Variants in LYZL4 observed in about 807,000 individuals in gnomAD.
LYZL4 encodes the protein lysozyme-like protein 4.
A neutral mutation model predicts 17.6 loss-of-function variants in LYZL4; 13 were observed. That is an observed-to-expected ratio of 0.74 (90% CI 0.48 to 1.18). The LOEUF is 1.18. LYZL4 is among the 50% of genes most tolerant of loss of function. The probability of loss-of-function intolerance (pLI) is 0.00; values close to 1 mark genes in which losing one functional copy is unlikely to be tolerated. For missense variants in LYZL4, 174 were observed against 188.2 expected (o/e 0.92, Z 0.44); for synonymous variants, 64 against 67.7 (o/e 0.95, Z 0.27).
chr3:42,401,904 A>G (rs1577153678), intron 4 of LYZL4, among the ~76,000 whole-genome samples: 1 of 152,178 alleles, frequency 6.6e-6, no homozygotes, highest in South Asian at 2.1e-4. Flanking sequence ...CTTCTATTCA[A>G]CCTTCACTGG....
chr3:42,390,719 T>C, the LYZL4 span, among the ~76,000 whole-genome samples: 1 of 152,194 alleles, frequency 6.6e-6, no homozygotes, highest in Admixed American at 6.5e-5. Context: ...ATTGTTATGG[T>C]ATCTGCATAG....
intron 3 of LYZL4, among the ~76,000 whole-genome samples, chr3:42,406,593 C>T (rs76036030): frequency 0.018 from 2,782 of 152,152 alleles, 85 homozygotes; most frequent in African/African-American, 0.063. Flanking sequence ...AACTCCCCAA[C>T]ACCTTCTCTG....
chr3:42,388,605 C>T, the LYZL4 span, among the ~76,000 whole-genome samples: 5 of 152,186 alleles, frequency 3.3e-5, no homozygotes, highest in Non-Finnish European at 5.9e-5. Flanking sequence ...ACTAGAGAGG[C>T]GGCTCCCAAG....
chr3:42,370,697 T>C, the LYZL4 span, among the ~76,000 whole-genome samples: 1 of 152,252 alleles, frequency 6.6e-6, no homozygotes, highest in Non-Finnish European at 1.5e-5. Context: ...TACTTGTATC[T>C]TCTGAGGCCC....
the LYZL4 span, among the ~76,000 whole-genome samples, chr3:42,374,516 C>T: frequency 3.3e-5 from 5 of 152,154 alleles, no homozygotes; most frequent in South Asian, 2.1e-4. Context: ...AACCAACTGT[C>T]GAGGCCACCG....
At chr3:42,386,406 C>CCG in the LYZL4 span, among the ~76,000 whole-genome samples, 1 of 134,742 alleles carries the variant, frequency 7.4e-6, no homozygotes, top group Non-Finnish European at 1.6e-5. Context: ...CCCCCCCCCC[C>CCG]CCCCCCGCCT....
the LYZL4 span, among the ~76,000 whole-genome samples, chr3:42,368,547 G>A: frequency 2.0e-5 from 3 of 151,968 alleles, no homozygotes; most frequent in Non-Finnish European, 4.4e-5. Flanking sequence ...ACTTATGCAT[G>A]TATTTAAGTG....
the LYZL4 span, among the ~76,000 whole-genome samples, chr3:42,364,461 G>C: frequency 6.7e-6 from 1 of 149,718 alleles, no homozygotes; most frequent in Non-Finnish European, 1.5e-5. Flanking sequence ...TCCTGCTTCA[G>C]CCTCCCAAGT....
intron 4 of LYZL4, among the ~76,000 whole-genome samples, 198 bp from the exon 5 acceptor site, chr3:42,397,532 T>A (rs920955542): frequency 6.6e-6 from 1 of 152,170 alleles, no homozygotes; most frequent in African/African-American, 2.4e-5. Context: ...TGAATACTGG[T>A]GCTTCCTCCA....
chr3:42,393,410 T>C (rs1698514590), downstream of LYZL4, among the ~76,000 whole-genome samples: 1 of 151,940 alleles, frequency 6.6e-6, no homozygotes. Flanking sequence ...TTTTTACTCA[T>C]AAAGTCAGCA....
the LYZL4 span, among the ~76,000 whole-genome samples, chr3:42,377,140 T>G: frequency 6.6e-6 from 1 of 152,170 alleles, no homozygotes; most frequent in African/African-American, 2.4e-5. Flanking sequence ...TCCAGAGCAG[T>G]CTGACCTTTT....
In LYZL4 at chr3:42,397,245, T is replaced by C. The variant is rs756921746; in HGVS notation, c.*20A>G. The C allele has an allele frequency of 3.2e-6, 5 of 1,540,370 alleles. No individual in the cohort carries two copies. In the Admixed American group the frequency reaches 9.7e-5, roughly 30 times the overall value. On this transcript the variant is annotated 3_prime_UTR_variant, in exon 5 of 5. Coordinates refer to ENST00000287748, the MANE Select transcript of LYZL4 (RefSeq NM_144634.4). ...TTCACAAGATGCAACTGGTGAGTGC[T>C]GCAGGGGCCATGCAGGTGGCTACAG...
At chr3:42,389,238 T>C in the LYZL4 span, among the ~76,000 whole-genome samples, 1 of 152,186 alleles carries the variant, frequency 6.6e-6, no homozygotes, top group Non-Finnish European at 1.5e-5. Flanking sequence ...ACAGACATTC[T>C]TCCTCTGACA....
the LYZL4 span, among the ~76,000 whole-genome samples, chr3:42,379,234 G>A: frequency 2.6e-5 from 4 of 152,140 alleles, no homozygotes; most frequent in African/African-American, 7.2e-5. Context: ...TCATATTGCT[G>A]GTTAGTCAGT....
intron 4 of LYZL4, 121 bp downstream of exon 4, chr3:42,403,925 G>T: frequency 1.7e-6 from 1 of 598,936 alleles, no homozygotes. Flanking sequence ...TTACCTTGGT[G>T]AGTCAGAGCC....
intron 2 of LYZL4, 49 bp from the exon 3 acceptor site, chr3:42,407,047 G>A: frequency 6.2e-7 from 1 of 1,613,872 alleles, no homozygotes; most frequent in East Asian, 2.2e-5. Context: ...TGGAGTTGGG[G>A]ATGCTTGGCC....
chr3:42,408,150 G>T (rs1293483231), intron 1 of LYZL4, among the ~76,000 whole-genome samples: 1 of 152,144 alleles, frequency 6.6e-6, no homozygotes, highest in Non-Finnish European at 1.5e-5. Context: ...TGCAGGTGGT[G>T]TTTTCTACCA....
the LYZL4 span, among the ~76,000 whole-genome samples, chr3:42,391,921 C>G: frequency 6.6e-6 from 1 of 151,654 alleles, no homozygotes; most frequent in East Asian, 1.9e-4. Flanking sequence ...GTCACCCAGG[C>G]TAGAGTGCAG....
the LYZL4 span, among the ~76,000 whole-genome samples, chr3:42,364,575 C>T: frequency 0.15 from 22,708 of 151,958 alleles, 4,295 homozygotes; most frequent in African/African-American, 0.44. Context: ...AAACTCCTGA[C>T]CTCAGGTGAT....
Sources: gnomAD v4.1 joint callset for allele counts (sites outside exome capture counted in the v4.1 genomes callset) on GRCh38, gnomAD v4.1.1 for gene constraint, MANE v1.5 for transcripts, NCBI Gene and HGNC (gene_info 2026-07-23, HGNC 2026-07-21) for gene names.